Variants in ABCA3 observed in about 807,000 individuals in gnomAD.
ABCA3 encodes the protein ATP binding cassette subfamily A member 3.
A neutral mutation model predicts 172.8 loss-of-function variants in ABCA3; 88 were observed. The observed-to-expected ratio is 0.51, with a 90% CI of 0.43 to 0.61. ABCA3 has a LOEUF of 0.61. Among genes scored for constraint, ABCA3 ranks in the 20% least tolerant of loss-of-function variants. The probability of loss-of-function intolerance (pLI) is 0.00; values close to 1 mark genes in which losing one functional copy is unlikely to be tolerated. For synonymous variants in ABCA3, 1,066 were observed against 983.8 expected (o/e 1.08, Z -1.56); for missense variants, 2,164 against 2,301.0 (o/e 0.94, Z 1.22).
In ABCA3 at chr16:2,297,786, C is replaced by T. The variant is rs769584477; in HGVS notation, c.2032G>A (p.Ala678Thr). ...CACACCTTGGAGCCTGCGATGAGGG[C>T]GATGCCGATGGAGAGCTTGCGCCTC... ...GMRRKLSIGI[A>T]LIAGSKVLIL... is the part of the protein sequence containing the mutation. The change falls in exon 16 of 33, where the codon GCC becomes ACC. Residue 678 changes from alanine (A) to threonine (T), a missense_variant. Coordinates refer to ENST00000301732, the MANE Select transcript of ABCA3 (RefSeq NM_001089.3). This position sits in a 1 kb window ranked among gnomAD's most constrained non-coding sequence, Gnocchi z 5.6. 4.0e-5 allele frequency: 64 copies of T among 1,612,602 alleles called. 1 individual carries two copies. In the South Asian group the frequency reaches 4.7e-4, roughly 12 times the overall value.
intron 10 of ABCA3, among the ~76,000 whole-genome samples, chr16:2,316,211 G>T (rs2093715227): frequency 6.8e-6 from 1 of 147,810 alleles, no homozygotes; most frequent in Non-Finnish European, 1.5e-5. Flanking sequence ...AGAAGGCTGA[G>T]GCTGGAAGAT....
chr16:2,292,070 T>G, intron 19 of ABCA3, 70 bp downstream of exon 19: 2 of 1,242,052 alleles, frequency 1.6e-6, no homozygotes, highest in Non-Finnish European at 2.4e-6. Flanking sequence ...TGAAACTCCA[T>G]CTCAAAAAAA....
At chr16:2,332,069 C>T (rs2093744154) in intron 1 of ABCA3, among the ~76,000 whole-genome samples, 1 of 152,158 alleles carries the variant, frequency 6.6e-6, no homozygotes. Flanking sequence ...GCAGGCTGCT[C>T]ATTTCTCAGA....
chr16:2,334,224 G>A (rs2093748072), intron 1 of ABCA3, among the ~76,000 whole-genome samples: 1 of 152,086 alleles, frequency 6.6e-6, no homozygotes, highest in Non-Finnish European at 1.5e-5. Flanking sequence ...GGACATTACA[G>A]GATCCTGGAG....
At chr16:2,327,379 G>A (rs995899670) in intron 3 of ABCA3, among the ~76,000 whole-genome samples, 5 of 152,116 alleles carry the variant, frequency 3.3e-5, no homozygotes, top group African/African-American at 1.2e-4. Context: ...GGTTAATATG[G>A]ATTTGCTATT....
chr16:2,305,784 C>T (rs1169661579), intron 11 of ABCA3, among the ~76,000 whole-genome samples: 3 of 152,142 alleles, frequency 2.0e-5, no homozygotes, highest in Non-Finnish European at 4.4e-5. Flanking sequence ...CTATGTTGCC[C>T]AGGCTGGTCT....
chr16:2,319,944 C>T lies in ABCA3; in HGVS notation c.614-104G>A. On this transcript the variant is annotated intron_variant, in intron 7 of 32. Transcript: ENST00000301732. ...ATGGGGGAAGAGATGCTTGGGGCAA[C>T]AGAGTGACTTCAGCTCAGGACCCCC... The T allele has an allele frequency of 2.0e-6, 3 of 1,513,498 alleles. No homozygotes were observed. In the South Asian group the frequency reaches 3.4e-5, roughly 17 times the overall value. The allele number at this position is 1,513,498 out of a possible 1,614,324, so 93.8% of individuals were successfully genotyped here.
chr16:2,306,015 T>C (rs1482598520), intron 11 of ABCA3, among the ~76,000 whole-genome samples: 1 of 152,122 alleles, frequency 6.6e-6, no homozygotes, highest in East Asian at 1.9e-4. Flanking sequence ...CCAGCCTTGG[T>C]GAATTTGCAC....
rs1370888502 is a variant in ABCA3, at chr16:2,284,064, T to C, written c.3862+215A>G. The C allele has an allele frequency of 3.6e-6, 2 of 561,544 alleles. No homozygotes were observed. Among genetic ancestry groups the C allele is most frequent in the Non-Finnish European group, 6.3e-6 (2 of 318,048 alleles). 34.8% of individuals were successfully genotyped at this position (561,544 alleles called of 1,614,324 possible). A position where few individuals can be genotyped will look rare whatever the true frequency, so the allele number is the denominator to read the frequency against. On this transcript the variant is annotated intron_variant, in intron 25 of 32. Transcript: ENST00000301732. This position sits in a 1 kb window ranked among gnomAD's most constrained non-coding sequence, Gnocchi z 5.9. ...TTCCTTGTTACAGATGCCCAGACAC[T>C]GAGGCAGGTGGGAGAGTGGGAGCTC...
Position 2,326,290 on chromosome 16 carries a change from T to C in ABCA3, c.55-16A>G, listed in dbSNP as rs752510984. On this transcript the variant is annotated splice_polypyrimidine_tract_variant and intron_variant, in intron 4 of 32. Transcript: ENST00000301732. The stretch of plus-strand genomic sequence containing the variant: ...CCTTCCGCTTCTGGAAGAGATACAA[T>C]AGGGCACGGTGATGGGCTGCAAGGC... 5.0e-6 allele frequency: 8 copies of C among 1,612,056 alleles called. No individual in the cohort carries two copies. The highest frequency in any genetic ancestry group is 3.3e-5 in the South Asian group (3 of 91,072).
chr16:2,326,237 A>T lies in ABCA3; in HGVS notation c.92T>A (p.Leu31Gln). Residue 31 changes from leucine to glutamine, a missense_variant, in exon 5 of 33, where the codon CTG becomes CAG. Around this residue, in one of 3 missense-constraint regions of ABCA3, gnomAD observed 1,343 missense variants for 1,369.6 expected, o/e 0.98. Coordinates refer to ENST00000301732, the MANE Select transcript of ABCA3 (RefSeq NM_001089.3). ...KVLVTVLELF[L>Q]PLLFSGILIW... Reference sequence around the variant, plus strand: ...GAGGATCCCAGAAAACAGCAATGGCAGGAAGAGTTCCAGGACCGTCACCAG... The same window carrying T: ...GAGGATCCCAGAAAACAGCAATGGCTGGAAGAGTTCCAGGACCGTCACCAG... 2 of 1,613,906 alleles carry T rather than the reference A, an allele frequency of 1.2e-6. No homozygotes were observed. Among genetic ancestry groups the T allele is most frequent in the Admixed American group, 1.7e-5 (1 of 60,030 alleles).
Position 2,278,550 on chromosome 16 carries a change from C to G in ABCA3, c.4548-92G>C. The G allele has an allele frequency of 6.7e-7, 1 of 1,501,884 alleles. No individual in the cohort carries two copies. Among genetic ancestry groups the G allele is most frequent in the Non-Finnish European group, 9.1e-7 (1 of 1,099,342 alleles). 93.0% of individuals were successfully genotyped at this position (1,501,884 alleles called of 1,614,324 possible). On this transcript the variant is annotated intron_variant, in intron 29 of 32. Coordinates refer to ENST00000301732, the MANE Select transcript of ABCA3 (RefSeq NM_001089.3). The surrounding 1 kb of genome is among the most constrained non-coding windows in gnomAD (Gnocchi z 4.4). ...TGGAGGCCCGTGTCCCAGCAGCGGC[C>G]CACACCCAGCAATTGCAGAACAGCC...
In ABCA3 at chr16:2,316,490, C is replaced by CAAAAAAAAAAAAAAAAAAAAAA. The variant is rs71148128; in HGVS notation, c.1111+771_1111+792dup. Among the ~76,000 whole-genome samples the CAAAAAAAAAAAAAAAAAAAAAA allele has an allele frequency of 2.8e-4, 8 of 28,872 alleles. 3 individuals carry two copies. Among genetic ancestry groups the CAAAAAAAAAAAAAAAAAAAAAA allele is most frequent in the Non-Finnish European group, 5.4e-4 (7 of 13,002 alleles). The allele number at this position is 28,872 out of a possible 152,430, so 18.9% of individuals were successfully genotyped here. A position where few individuals can be genotyped will look rare whatever the true frequency, so the allele number is the denominator to read the frequency against. ...CAAAACCCCGTCTCTACTAAAAATG[C>CAAAAAAAAAAAAAAAAAAAAAA]AAAAAAAAAAAAAAAAAAAAAAAAA... On this transcript the variant is annotated intron_variant, in intron 10 of 32. Transcript: ENST00000301732.
intron 19 of ABCA3, 27 bp from the exon 20 acceptor site, chr16:2,289,647 C>A: frequency 6.5e-7 from 1 of 1,544,308 alleles, no homozygotes; most frequent in South Asian, 1.2e-5. Context: ...AGGGACCGGT[C>A]AGGACCCAGC....
At chr16:2,298,066 G>C in intron 15 of ABCA3, 145 bp from the exon 16 acceptor site, 1 of 829,078 alleles carries the variant, frequency 1.2e-6, no homozygotes, top group Non-Finnish European at 1.8e-6. Flanking sequence ...CGGCCAGCAA[G>C]GTTCTGGTGA....
chr16:2,276,500 A>G lies in ABCA3; in HGVS notation c.*174T>C, dbSNP rs561786405. The stretch of plus-strand genomic sequence containing the variant: ...GGAGATGCGCATGCTGATCCTGGGC[A>G]TGAGGGCTGGGCTGCACTCGTCCAT... On this transcript the variant is annotated 3_prime_UTR_variant, in exon 33 of 33. Transcript: ENST00000301732. The G allele has an allele frequency of 4.0e-5, 43 of 1,088,246 alleles. No individual in the cohort carries two copies. The African/African-American group carries it at 6.2e-4, about 16-fold the overall frequency. The allele number at this position is 1,088,246 out of a possible 1,614,324, so 67.4% of individuals were successfully genotyped here.
intron 1 of ABCA3, among the ~76,000 whole-genome samples, chr16:2,331,383 G>A (rs553882326): frequency 6.6e-6 from 1 of 152,300 alleles, no homozygotes; most frequent in South Asian, 2.1e-4. Context: ...ATTTTTAATA[G>A]AGACGGAGTT....
At chr16:2,324,174 G>A (rs566866852) in intron 6 of ABCA3, among the ~76,000 whole-genome samples, 2 of 152,332 alleles carry the variant, frequency 1.3e-5, no homozygotes, top group East Asian at 3.9e-4. Context: ...GCGGCCACAG[G>A]CAGGTGCATT....
intron 3 of ABCA3, 72 bp from the exon 4 acceptor site, chr16:2,326,564 C>T (rs1312259171): frequency 6.8e-7 from 1 of 1,477,524 alleles, no homozygotes; most frequent in African/African-American, 1.4e-5. Context: ...TGGGGAAAAG[C>T]CATGGACCCT....
Sources: gnomAD v4.1 joint callset for allele counts (sites outside exome capture counted in the v4.1 genomes callset) on GRCh38, gnomAD v4.1.1 for gene constraint, gnomAD v4.1.1 regional missense constraint, Gnocchi (gnomAD v3.1) non-coding constraint, MANE v1.5 for transcripts, NCBI Gene and HGNC (gene_info 2026-07-23, HGNC 2026-07-21) for gene names.